Variants in MINDY3 observed in about 807,000 individuals in gnomAD.
MINDY3 encodes MINDY lysine 48 deubiquitinase 3, also known as ubiquitin carboxyl-terminal hydrolase MINDY-3.
MINDY3 carries 38 observed loss-of-function variants against 69.2 expected under a neutral mutation model. The observed-to-expected ratio is 0.55, with a 90% CI of 0.42 to 0.72. The LOEUF (loss-of-function observed/expected upper bound fraction) is 0.72. Ranked by LOEUF, MINDY3 falls within the 30% of genes least tolerant of loss-of-function variation. The pLI is 0.00. For missense variants in MINDY3, 522 were observed against 519.0 expected (o/e 1.01, Z -0.06); for synonymous variants, 192 against 180.1 (o/e 1.07, Z -0.53).
At position 15,789,327 on chromosome 10, in the gene MINDY3, G is replaced by A; in HGVS notation, c.956-8C>T. 1.1e-5 allele frequency: 17 copies of A among 1,603,086 alleles called. No individual in the cohort carries two copies. Among genetic ancestry groups the A allele is most frequent in the Non-Finnish European group, 1.5e-5 (17 of 1,172,204 alleles). On this transcript the variant is annotated splice_region_variant and splice_polypyrimidine_tract_variant and intron_variant, in intron 11 of 14. Transcript: ENST00000277632. The stretch of plus-strand genomic sequence containing the variant: ...CGGGTATGAATCCATTATCTAGGGG[G>A]GAAAAAATCAGAAACAACTTGAAAT...
intron 8 of MINDY3, among the ~76,000 whole-genome samples, chr10:15,822,239 T>C (rs1588590087): frequency 6.6e-6 from 1 of 152,088 alleles, no homozygotes; most frequent in African/African-American, 2.4e-5. Context: ...TGCTTCAGAC[T>C]GGGGAAATAA....
intron 8 of MINDY3, among the ~76,000 whole-genome samples, chr10:15,827,133 A>C (rs1326171740): frequency 6.6e-6 from 1 of 150,390 alleles, no homozygotes; most frequent in Non-Finnish European, 1.5e-5. Context: ...ATGAAAATAA[A>C]AAATCTGGGG....
At chr10:15,816,260 C>CAAAAAAAAAAAAAAAAAAAAAA (rs1164005904) in intron 10 of MINDY3, among the ~76,000 whole-genome samples, 1 of 26,820 alleles carries the variant, frequency 3.7e-5, no homozygotes, top group African/African-American at 1.6e-4. Flanking sequence ...GACTCCATCT[C>CAAAAAAAAAAAAAAAAAAAAAA]AAAAAAAAAA....
At position 15,860,354 on chromosome 10, in the gene MINDY3, G is replaced by C; in HGVS notation, c.-55C>G. ...TTGCGGACTCCTGCCCCGGAACATG[G>C]GGAAGGGGCAACTCCGGAAACAGCA... On this transcript the variant is annotated 5_prime_UTR_variant, in exon 1 of 15. Transcript: ENST00000277632. The C allele has an allele frequency of 7.6e-7, 1 of 1,323,596 alleles. No homozygotes were observed. The highest frequency in any genetic ancestry group is 1.1e-6 in the Non-Finnish European group (1 of 937,324). The allele number at this position is 1,323,596 out of a possible 1,614,324, so 82.0% of individuals were successfully genotyped here. A position where few individuals can be genotyped will look rare whatever the true frequency, so the allele number is the denominator to read the frequency against.
chr10:15,842,793 G>A (rs1815230268), intron 3 of MINDY3, among the ~76,000 whole-genome samples: 1 of 150,208 alleles, frequency 6.7e-6, no homozygotes, highest in South Asian at 2.1e-4. Context: ...AGCTTCATTT[G>A]CAATTTCATC....
At chr10:15,844,615 T>C (rs997524849) in intron 2 of MINDY3, among the ~76,000 whole-genome samples, 2 of 152,170 alleles carry the variant, frequency 1.3e-5, no homozygotes, top group East Asian at 1.9e-4. Context: ...TACTTTAACA[T>C]ATAAGCTCCT....
chr10:15,857,908 G>A, intron 1 of MINDY3: 1 of 975,614 alleles, frequency 1.0e-6, no homozygotes, highest in Non-Finnish European at 1.2e-6. Context: ...TCTTACATCT[G>A]TATCTTGCTT....
At chr10:15,839,937 A>C (rs1426294339) in intron 4 of MINDY3, among the ~76,000 whole-genome samples, 1 of 151,652 alleles carries the variant, frequency 6.6e-6, no homozygotes, top group African/African-American at 2.4e-5. Flanking sequence ...GAAGTACCAA[A>C]GGGAATGCAT....
At position 15,821,910 on chromosome 10, in the gene MINDY3, A is replaced by C. The variant is rs201589742; in HGVS notation, c.731-184T>G. The stretch of plus-strand genomic sequence containing the variant: ...GTACTGCTCATTATAAAATACCATT[A>C]GATCAGGTTTGTGGTGGGTAAATGT... On this transcript the variant is annotated intron_variant, in intron 8 of 14. Coordinates refer to ENST00000277632, the MANE Select transcript of MINDY3 (RefSeq NM_024948.4). Among the ~76,000 whole-genome samples the C allele has an allele frequency of 1.2e-4, 18 of 149,096 alleles. No homozygotes were observed. The South Asian group carries it at 1.7e-3, about 14-fold the overall frequency.
intron 4 of MINDY3, among the ~76,000 whole-genome samples, chr10:15,839,998 T>C (rs940215350): frequency 5.9e-5 from 9 of 151,802 alleles, no homozygotes; most frequent in Non-Finnish European, 1.3e-4. Context: ...CAGAACTGCA[T>C]AGCATATTTC....
intron 14 of MINDY3, among the ~76,000 whole-genome samples, chr10:15,780,533 G>GTGCCA (rs1836445289): frequency 6.6e-6 from 1 of 152,142 alleles, no homozygotes; most frequent in South Asian, 2.1e-4. Context: ...CTTGGGCAAG[G>GTGCCA]TGCCATGACC....
intron 8 of MINDY3, among the ~76,000 whole-genome samples, chr10:15,830,596 C>A (rs1255423971): frequency 1.3e-5 from 2 of 152,180 alleles, no homozygotes; most frequent in Non-Finnish European, 2.9e-5. Flanking sequence ...CCACAGTACA[C>A]CTGAGAGGCA....
At chr10:15,821,361 A>G (rs111577328) in intron 9 of MINDY3, among the ~76,000 whole-genome samples, 88 of 152,318 alleles carry the variant, frequency 5.8e-4, no homozygotes, top group African/African-American at 2.0e-3. Flanking sequence ...TTTTGCCAAA[A>G]ATAAATTCAT....
chr10:15,858,030 G>A, intron 1 of MINDY3: 1 of 674,652 alleles, frequency 1.5e-6, no homozygotes, highest in Non-Finnish European at 1.8e-6. Flanking sequence ...TCTTGTGCCT[G>A]TTCCCACAAT....
intron 10 of MINDY3, among the ~76,000 whole-genome samples, chr10:15,807,271 G>C (rs1838698560): frequency 2.0e-5 from 3 of 152,132 alleles, no homozygotes; most frequent in African/African-American, 7.2e-5. Context: ...GTGACAGTAG[G>C]TAGTGTGGGA....
chr10:15,853,295 T>C (rs950714773), intron 1 of MINDY3, among the ~76,000 whole-genome samples: 9 of 152,108 alleles, frequency 5.9e-5, no homozygotes, highest in Non-Finnish European at 1.0e-4. Context: ...CCGATAACCC[T>C]GGAAATCCTA....
chr10:15,830,875 G>T (rs79240279), intron 8 of MINDY3, among the ~76,000 whole-genome samples: 4,845 of 152,260 alleles, frequency 0.032, 234 homozygotes, highest in African/African-American at 0.11. Context: ...AGAGGTTTGT[G>T]GCCTGGTCGT....
In MINDY3 at chr10:15,859,825, T is replaced by C. The variant is rs546644104; in HGVS notation, c.94+381A>G. Among the ~76,000 whole-genome samples, 9 of 152,236 alleles carry C rather than the reference T, an allele frequency of 5.9e-5. No homozygotes were observed. The East Asian group carries it at 7.7e-4, about 13-fold the overall frequency. On this transcript the variant is annotated intron_variant, in intron 1 of 14. Coordinates refer to ENST00000277632, the MANE Select transcript of MINDY3 (RefSeq NM_024948.4). ...CCAAAAATAGACCAACCACCACCAA[T>C]AGACAGCTCTGTTAGGGGGTAAAGA...
chr10:15,835,885 A>G lies in MINDY3; in HGVS notation c.577-1269T>C, dbSNP rs79511844. On this transcript the variant is annotated intron_variant, in intron 6 of 14. Coordinates refer to ENST00000277632, the MANE Select transcript of MINDY3 (RefSeq NM_024948.4). ...TAGTTTAGGCTGCTCTTATTTCAAT[A>G]CCCAATTTTCTAGTTTTCCTGACTC... 1.3e-4 allele frequency among the ~76,000 whole-genome samples: 20 copies of G among 152,062 alleles called. No homozygotes were observed. In the East Asian group the frequency reaches 3.3e-3, roughly 25 times the overall value.
Sources: allele counts gnomAD v4.1 joint callset (sites outside exome capture counted in the v4.1 genomes callset), GRCh38; gene constraint gnomAD v4.1.1; transcripts MANE v1.5; gene names NCBI Gene and HGNC (gene_info 2026-07-23, HGNC 2026-07-21).